Variants in TUBB4A observed in about 807,000 individuals in gnomAD.
The protein encoded by TUBB4A is tubulin beta-4A chain.
A neutral mutation model predicts 35.1 loss-of-function variants in TUBB4A; 13 were observed. The observed-to-expected ratio is 0.37, with a 90% confidence interval of 0.24 to 0.59. TUBB4A has a LOEUF of 0.59. TUBB4A is among the 20% of genes least tolerant of loss of function. TUBB4A has a pLI of 0.71. For synonymous variants in TUBB4A, 279 were observed against 272.4 expected (o/e 1.02, Z -0.24); for missense variants, 299 against 647.2 (o/e 0.46, Z 5.84).
At chr19:6,499,021 G>A (rs773471308) in intron 3 of TUBB4A, among the ~76,000 whole-genome samples, 12 of 152,076 alleles carry the variant, frequency 7.9e-5, no homozygotes, top group Non-Finnish European at 1.8e-4. Context: ...GGGGTGGGAG[G>A]AGCATTAAAA....
chr19:6,500,910 C>T (rs542840706), intron 3 of TUBB4A: 100 of 202,142 alleles, frequency 4.9e-4, no homozygotes, highest in African/African-American at 2.0e-3. Context: ...GAGGGAGCTC[C>T]GGCTGTTTGA....
intron 3 of TUBB4A, among the ~76,000 whole-genome samples, chr19:6,498,065 GC>G (rs1914342900): frequency 1.3e-5 from 2 of 151,522 alleles, no homozygotes; most frequent in East Asian, 3.9e-4. Flanking sequence ...GAAAAAATTA[GC>G]TGGATGTGGT....
intron 3 of TUBB4A, among the ~76,000 whole-genome samples, chr19:6,498,200 G>A (rs539084756): frequency 8.7e-6 from 1 of 115,314 alleles, no homozygotes; most frequent in Admixed American, 1.0e-4. Context: ...GACAGAGTGA[G>A]ACTTTGTCTC....
At position 6,496,310 on chromosome 19, in the gene TUBB4A, T is replaced by C. The variant is rs145798341; in HGVS notation, c.278-89A>G. 1.4e-4 allele frequency: 181 copies of C among 1,252,900 alleles called. 2 individuals are homozygous for C. Among genetic ancestry groups the C allele is most frequent in the South Asian group, 2.6e-4 (18 of 69,788 alleles). The allele number at this position is 1,252,900 out of a possible 1,614,324, so 77.6% of individuals were successfully genotyped here. A position where few individuals can be genotyped will look rare whatever the true frequency, so the allele number is the denominator to read the frequency against. On this transcript the variant is annotated intron_variant, in intron 3 of 3. Transcript: ENST00000264071. The stretch of plus-strand genomic sequence containing the variant: ...TCTCCACCACCTGGAGGGCCTCTAG[T>C]AGTTGAATACTAGTAACTATCAAAA...
Position 6,501,103 on chromosome 19 carries a change from CCCT to C in TUBB4A, c.277+181_277+183del. 1 of 569,752 alleles carries C rather than the reference CCCT, an allele frequency of 1.8e-6. No homozygotes were observed. The highest frequency in any genetic ancestry group is 2.3e-5 in the South Asian group (1 of 43,296). The allele number at this position is 569,752 out of a possible 1,614,324, so 35.3% of individuals were successfully genotyped here. On this transcript the variant is annotated intron_variant, in intron 3 of 3. Coordinates refer to ENST00000264071, the MANE Select transcript of TUBB4A (RefSeq NM_006087.4). This position sits in a 1 kb window ranked among gnomAD's most constrained non-coding sequence, Gnocchi z 4.2. ...TTCCCTGAATCCTTCTCTGTATCCG[CCCT>C]CCTCAGGGCTCTCACAGTGGCCTGA...
chr19:6,496,853 C>T (rs1914225165), intron 3 of TUBB4A, among the ~76,000 whole-genome samples: 1 of 146,196 alleles, frequency 6.8e-6, no homozygotes, highest in South Asian at 2.2e-4. Context: ...CACTCCCCCG[C>T]CCCCTGCCTA....
rs201281024 is a variant in TUBB4A at position 6,501,641 on chromosome 19, C to T, written c.58-18G>A. On this transcript the variant is annotated intron_variant, in intron 1 of 3. Coordinates refer to ENST00000264071, the MANE Select transcript of TUBB4A (RefSeq NM_006087.4). The surrounding 1 kb of genome is among the most constrained non-coding windows in gnomAD (Gnocchi z 4.2). ...TCCCAAAACTAGAGAGAGAGGTGGTCGGAAGAGTTGAGAGAGGGGAAGCCG... is the reference window on the plus strand; with the variant it reads ...TCCCAAAACTAGAGAGAGAGGTGGTTGGAAGAGTTGAGAGAGGGGAAGCCG... 1.5e-5 allele frequency: 24 copies of T among 1,607,102 alleles called. No individual in the cohort carries two copies. In the East Asian group the frequency reaches 3.6e-4, roughly 24 times the overall value.
intron 3 of TUBB4A, among the ~76,000 whole-genome samples, chr19:6,498,210 C>CAA (rs33975406): frequency 0.11 from 15,994 of 139,084 alleles, 1,345 homozygotes; most frequent in East Asian, 0.24. Flanking sequence ...GACTTTGTCT[C>CAA]AAAAAAAAAA....
At position 6,501,296 on chromosome 19, in the gene TUBB4A, A is replaced by C; in HGVS notation, c.268T>G (p.Phe90Val). ...PFGQIFRPDN[F>V]VFGQSGAGNN... ...CTGCTGGGGGACTCACCAAACACGA[A>C]GTTGTCCGGCCGAAAGATCTGACCG... Residue 90 changes from phenylalanine (F) to valine (V), a missense_variant, in exon 3 of 4, where the codon TTC (phenylalanine) becomes GTC (valine). Physicochemically the swap from Phe to Val is conservative, Grantham distance 50 (BLOSUM62 -1). Transcript: ENST00000264071. The surrounding 1 kb of genome is among the most constrained non-coding windows in gnomAD (Gnocchi z 4.2). 1 of 1,613,840 alleles carries C rather than the reference A, an allele frequency of 6.2e-7. No individual in the cohort carries two copies. The highest frequency in any genetic ancestry group is 8.5e-7 in the Non-Finnish European group (1 of 1,179,822).
upstream of TUBB4A, chr19:6,502,310 G>C (rs1314837146): frequency 5.2e-6 from 7 of 1,341,868 alleles, no homozygotes; most frequent in African/African-American, 4.6e-5. Flanking sequence ...GGCGGAGCAC[G>C]GTCCCTGCGC....
In TUBB4A at chr19:6,495,024, G is replaced by A; in HGVS notation, c.*140C>T. 1 of 1,020,842 alleles carries A rather than the reference G, an allele frequency of 9.8e-7. No homozygotes were observed. Among genetic ancestry groups the A allele is most frequent in the Non-Finnish European group, 1.4e-6 (1 of 704,016 alleles). The allele number at this position is 1,020,842 out of a possible 1,614,324, so 63.2% of individuals were successfully genotyped here. A position where few individuals can be genotyped will look rare whatever the true frequency, so the allele number is the denominator to read the frequency against. ...CGGAGATGAAGTAGCCAGAGGTAAA[G>A]CGAGCTCCAAAGGTATTGTTAGGGT... On this transcript the variant is annotated 3_prime_UTR_variant, in exon 4 of 4. Coordinates refer to ENST00000264071, the MANE Select transcript of TUBB4A (RefSeq NM_006087.4). This position sits in a 1 kb window ranked among gnomAD's most constrained non-coding sequence, Gnocchi z 8.7.
At chr19:6,497,458 G>T (rs1914303158) in intron 3 of TUBB4A, among the ~76,000 whole-genome samples, 1 of 151,410 alleles carries the variant, frequency 6.6e-6, no homozygotes, top group Admixed American at 6.6e-5. Flanking sequence ...TAGAGGTGGG[G>T]TTTCGACATG....
At chr19:6,497,027 ATAT>A (rs1914268472) in intron 3 of TUBB4A, among the ~76,000 whole-genome samples, 26 of 15,972 alleles carry the variant, frequency 1.6e-3, no homozygotes, top group East Asian at 2.4e-3. Flanking sequence ...AAAAAAAAAT[ATAT>A]ATATATATAT....
intron 3 of TUBB4A, chr19:6,500,949 C>A (rs1222747508): frequency 4.1e-6 from 1 of 241,532 alleles, no homozygotes; most frequent in Non-Finnish European, 8.1e-6. Flanking sequence ...GCTTCTAGAA[C>A]AGGGCCTGGT....
chr19:6,502,027 G>C, intron 1 of TUBB4A, 129 bp downstream of exon 1: 1 of 1,052,516 alleles, frequency 9.5e-7, no homozygotes, highest in Non-Finnish European at 1.3e-6. Context: ...CAAGGCCCCT[G>C]GGGCGCGCTG....
Position 6,496,079 on chromosome 19 carries a change from C to T in TUBB4A, c.420G>A (p.Gly140=), listed in dbSNP as rs766118356. The T allele has an allele frequency of 6.2e-7, 1 of 1,614,068 alleles. No homozygotes were observed. Among genetic ancestry groups the T allele is most frequent in the Admixed American group, 1.7e-5 (1 of 59,984 alleles). ...TGCCCATTCCGGACCCCGTGCCACC[C>T]CCCAGCGAGTGGGTCAGCTGGAAGC... ...LQGFQLTHSL[G]GGTGSGMGTL... is the part of the protein sequence containing the mutation. The change falls in exon 4 of 4, where the codon GGG becomes GGA. Residue 140 remains glycine (G), a synonymous_variant. Coordinates refer to ENST00000264071, the MANE Select transcript of TUBB4A (RefSeq NM_006087.4).
chr19:6,497,294 G>A (rs540428942), intron 3 of TUBB4A, among the ~76,000 whole-genome samples: 24 of 151,300 alleles, frequency 1.6e-4, no homozygotes, highest in Non-Finnish European at 3.2e-4. Context: ...CAGGGTCTTG[G>A]TATGTTGCCC....
At chr19:6,496,282 G>C (rs1009396699) in intron 3 of TUBB4A, 61 bp from the exon 4 acceptor site, 4 of 1,490,520 alleles carry the variant, frequency 2.7e-6, no homozygotes, top group Admixed American at 4.0e-5. Flanking sequence ...CCTTGACTCT[G>C]TCTCTCCACC....
At chr19:6,496,302 G>GTGTGAGCCACCGTGC in intron 3 of TUBB4A, 81 bp from the exon 4 acceptor site, 1 of 1,356,832 alleles carries the variant, frequency 7.4e-7, no homozygotes, top group Non-Finnish European at 1.0e-6. Flanking sequence ...CACCTGGAGG[G>GTGTGAGCCACCGTGC]CCTCTAGTAG....
Sources: allele counts gnomAD v4.1 joint callset (sites outside exome capture counted in the v4.1 genomes callset), GRCh38; gene constraint gnomAD v4.1.1; non-coding constraint Gnocchi (gnomAD v3.1); transcripts MANE v1.5; gene names NCBI Gene and HGNC (gene_info 2026-07-23, HGNC 2026-07-21).